Variants in GNAO1 observed in about 807,000 individuals in gnomAD.
GNAO1 encodes G protein subunit alpha o1.
For synonymous variants in GNAO1, 164 were observed against 180.7 expected (o/e 0.91, Z 0.74); for missense variants, 166 against 478.7 (o/e 0.35, Z 6.10).
chr16:56,324,305 A>G (rs1263553794), intron 3 of GNAO1, among the ~76,000 whole-genome samples: 1 of 152,182 alleles, frequency 6.6e-6, no homozygotes, highest in Non-Finnish European at 1.5e-5. Flanking sequence ...CCCCCACATT[A>G]GCGTGTGATC....
At chr16:56,338,200 G>T (rs2037761537) in intron 6 of GNAO1, among the ~76,000 whole-genome samples, 2 of 152,102 alleles carry the variant, frequency 1.3e-5, no homozygotes, top group African/African-American at 4.8e-5. Context: ...TGGTGGTGTG[G>T]GTAGTCTGGA....
chr16:56,349,693 T>C (rs1247645096), intron 6 of GNAO1, among the ~76,000 whole-genome samples: 2 of 152,160 alleles, frequency 1.3e-5, no homozygotes, highest in African/African-American at 4.8e-5. Flanking sequence ...CTACAGCTCC[T>C]GGGGGGTGGG....
At chr16:56,253,930 T>G (rs2036822564) in intron 2 of GNAO1, among the ~76,000 whole-genome samples, 1 of 152,208 alleles carries the variant, frequency 6.6e-6, no homozygotes, top group Non-Finnish European at 1.5e-5. Context: ...TGTATTAAGT[T>G]CCAGTGTACA....
intron 2 of GNAO1, among the ~76,000 whole-genome samples, chr16:56,233,032 G>T (rs1306019520): frequency 6.6e-6 from 1 of 152,226 alleles, no homozygotes; most frequent in African/African-American, 2.4e-5. Context: ...TAGCTTGGGA[G>T]GTGGAGTATC....
At position 56,311,417 on chromosome 16, in the gene GNAO1, G is replaced by C. The variant is rs2037457224; in HGVS notation, c.304-17214G>C. Among the ~76,000 whole-genome samples, 1 of 152,102 alleles carries C rather than the reference G, an allele frequency of 6.6e-6. No homozygotes were observed. The highest frequency in any genetic ancestry group is 1.5e-5 in the Non-Finnish European group (1 of 68,016). ...CTCTTCCCCAGCAGAGGGCAGAGTT[G>C]ATACCCTTCCCCACCCGGGCCTGAC... is the stretch of plus-strand genomic sequence containing the variant. On this transcript the variant is annotated intron_variant, in intron 3 of 8. Transcript: ENST00000262493. This position sits in a 1 kb window ranked among gnomAD's most constrained non-coding sequence, Gnocchi z 5.2.
At chr16:56,256,714 CTCTCTGTGTGTGTGTGTG>C (rs1321630199) in intron 2 of GNAO1, among the ~76,000 whole-genome samples, 64 of 123,346 alleles carry the variant, frequency 5.2e-4, no homozygotes, top group South Asian at 1.4e-3. Flanking sequence ...CTCTCTCTCT[CTCTCTGTGTGTGTGTGTG>C]TGTGTGTGTG....
At chr16:56,228,437 GTA>G (rs563278517) in intron 2 of GNAO1, among the ~76,000 whole-genome samples, 7 of 150,584 alleles carry the variant, frequency 4.6e-5, no homozygotes, top group Non-Finnish European at 5.9e-5. Context: ...GAGTGTGTGT[GTA>G]TATATATATA....
At chr16:56,234,099 C>T (rs2036615153) in intron 2 of GNAO1, among the ~76,000 whole-genome samples, 1 of 152,210 alleles carries the variant, frequency 6.6e-6, no homozygotes, top group African/African-American at 2.4e-5. Flanking sequence ...AACACCCACA[C>T]CCACTTTGTT....
chr16:56,204,795 TC>T (rs1310441237), intron 2 of GNAO1, among the ~76,000 whole-genome samples: 1 of 152,106 alleles, frequency 6.6e-6, no homozygotes, highest in Non-Finnish European at 1.5e-5. Context: ...GAACCCAAGT[TC>T]TCATCCCAGC....
At chr16:56,212,339 G>A (rs2036396934) in intron 2 of GNAO1, among the ~76,000 whole-genome samples, 1 of 152,108 alleles carries the variant, frequency 6.6e-6, no homozygotes, top group African/African-American at 2.4e-5. Context: ...TGCTCCTAAG[G>A]GCAATTGTAC....
intron 6 of GNAO1, chr16:56,343,757 C>T (rs777285572): frequency 1.9e-6 from 3 of 1,610,262 alleles, no homozygotes; most frequent in East Asian, 2.2e-5. Context: ...CCTGTTTGCT[C>T]TGCAGGCCCC....
chr16:56,201,751 G>T (rs2036283702), intron 2 of GNAO1, among the ~76,000 whole-genome samples: 1 of 152,188 alleles, frequency 6.6e-6, no homozygotes, highest in Non-Finnish European at 1.5e-5. Flanking sequence ...AATGAGTATG[G>T]ACAAAAATGA....
At chr16:56,229,373 T>C (rs192534388) in intron 2 of GNAO1, among the ~76,000 whole-genome samples, 43 of 152,118 alleles carry the variant, frequency 2.8e-4, no homozygotes, top group African/African-American at 9.9e-4. Context: ...CCTGACTAAT[T>C]TTTTTTGTAT....
intron 2 of GNAO1, among the ~76,000 whole-genome samples, chr16:56,231,341 C>T (rs181976219): frequency 1.9e-4 from 29 of 152,340 alleles, no homozygotes; most frequent in Admixed American, 9.1e-4. Flanking sequence ...TCCAAGAGGC[C>T]TTCCATGACA....
At chr16:56,312,439 TTGTC>T (rs1433594054) in intron 3 of GNAO1, among the ~76,000 whole-genome samples, 1 of 152,200 alleles carries the variant, frequency 6.6e-6, no homozygotes, top group Non-Finnish European at 1.5e-5. Flanking sequence ...GTGTGGGTGT[TTGTC>T]TGTCTATCTG....
intron 2 of GNAO1, among the ~76,000 whole-genome samples, chr16:56,246,190 T>C (rs1353547594): frequency 6.6e-6 from 1 of 152,194 alleles, no homozygotes; most frequent in Non-Finnish European, 1.5e-5. Flanking sequence ...CACTGTGCTC[T>C]TGGAGGTGAG....
intron 4 of GNAO1, among the ~76,000 whole-genome samples, chr16:56,331,631 C>T (rs2037689496): frequency 2.0e-5 from 3 of 152,194 alleles, no homozygotes; most frequent in Non-Finnish European, 2.9e-5. Flanking sequence ...CCTGCCCACC[C>T]ACCCAGGCAA....
intron 2 of GNAO1, among the ~76,000 whole-genome samples, chr16:56,205,876 T>C (rs2036323035): frequency 6.6e-6 from 1 of 151,832 alleles, no homozygotes; most frequent in African/African-American, 2.4e-5. Flanking sequence ...TGGAGAGGGA[T>C]TGGAGGACAT....
intron 2 of GNAO1, among the ~76,000 whole-genome samples, chr16:56,224,324 A>G (rs2036516012): frequency 1.3e-5 from 2 of 152,178 alleles, no homozygotes; most frequent in Admixed American, 6.5e-5. Context: ...GGAGAAGCCT[A>G]TCTGAAGCTT....
Sources: allele counts gnomAD v4.1 joint callset (sites outside exome capture counted in the v4.1 genomes callset), GRCh38; gene constraint gnomAD v4.1.1; non-coding constraint Gnocchi (gnomAD v3.1); transcripts MANE v1.5; gene names NCBI Gene and HGNC (gene_info 2026-07-23, HGNC 2026-07-21).